Variants in CIROZ observed in about 807,000 individuals in gnomAD.
CIROZ encodes the protein ciliated left-right organizer protein containing ZP-N domains.
chr1:10,979,623 A>G, the CIROZ span, among the ~76,000 whole-genome samples: 25 of 152,296 alleles, frequency 1.6e-4, no homozygotes, highest in South Asian at 4.1e-4. Flanking sequence ...ATCAGAGGAC[A>G]CGTGCAAGAC....
chr1:10,958,088 C>T, the CIROZ span, among the ~76,000 whole-genome samples: 1 of 152,316 alleles, frequency 6.6e-6, no homozygotes, highest in East Asian at 1.9e-4. Context: ...GGAGTCCTGT[C>T]CTTGGCTCTG....
the CIROZ span, chr1:10,949,519 G>A: frequency 2.4e-6 from 3 of 1,236,840 alleles, no homozygotes; most frequent in Admixed American, 4.1e-5. Flanking sequence ...TGGAAGAATG[G>A]TGGTGAAAGA....
chr1:10,964,079 C>A, the CIROZ span: 2 of 1,601,086 alleles, frequency 1.2e-6, no homozygotes, highest in Non-Finnish European at 8.5e-7. Context: ...GAGAGAAGCC[C>A]AGCCTGGGAG....
the CIROZ span, among the ~76,000 whole-genome samples, chr1:10,979,785 C>T: frequency 2.6e-5 from 4 of 152,206 alleles, no homozygotes; most frequent in African/African-American, 7.2e-5. Context: ...CAGTGGCTCA[C>T]GCCTGTAATC....
the CIROZ span, among the ~76,000 whole-genome samples, chr1:10,952,216 C>T: frequency 6.6e-6 from 1 of 152,140 alleles, no homozygotes; most frequent in South Asian, 2.1e-4. Flanking sequence ...TGCAGGGAAG[C>T]TGCTGGGGAG....
the CIROZ span, among the ~76,000 whole-genome samples, chr1:10,962,066 T>C: frequency 6.6e-6 from 1 of 152,052 alleles, no homozygotes; most frequent in African/African-American, 2.4e-5. Context: ...CCTTCCTTCC[T>C]CCTCCTCCTC....
chr1:10,956,607 C>T, the CIROZ span, among the ~76,000 whole-genome samples: 1 of 151,914 alleles, frequency 6.6e-6, no homozygotes, highest in Non-Finnish European at 1.5e-5. Context: ...TCCTGAGTAG[C>T]TAGGACTACA....
chr1:10,955,229 G>A, the CIROZ span: 2 of 1,538,726 alleles, frequency 1.3e-6, no homozygotes, highest in Non-Finnish European at 1.8e-6. Flanking sequence ...GGCACACTTT[G>A]CAGGCTCGTG....
chr1:10,957,484 C>T, the CIROZ span: 28 of 1,372,382 alleles, frequency 2.0e-5, no homozygotes, highest in South Asian at 1.4e-4. Flanking sequence ...TTTTCGAAGG[C>T]GCCTGCCTAA....
the CIROZ span, chr1:10,948,661 C>T: frequency 6.2e-7 from 1 of 1,612,618 alleles, no homozygotes; most frequent in African/African-American, 1.3e-5. Context: ...CAGGGACTAG[C>T]CTGGACACCC....
the CIROZ span, among the ~76,000 whole-genome samples, chr1:10,974,080 T>A: frequency 6.6e-6 from 1 of 151,948 alleles, no homozygotes; most frequent in Non-Finnish European, 1.5e-5. This position sits in a 1 kb window ranked among gnomAD's most constrained non-coding sequence, Gnocchi z 4.4. Context: ...TGAATGGCAG[T>A]GGGAGGCTGA....
the CIROZ span, among the ~76,000 whole-genome samples, chr1:10,961,905 C>T: frequency 1.3e-5 from 2 of 152,204 alleles, no homozygotes; most frequent in African/African-American, 4.8e-5. Context: ...CGAGATCACA[C>T]CGCTGTACGC....
the CIROZ span, chr1:10,957,184 C>T: frequency 3.1e-5 from 36 of 1,146,656 alleles, no homozygotes; most frequent in Admixed American, 2.4e-4. Flanking sequence ...ACAGGGGCCC[C>T]CTCTCCTACC....
At chr1:10,953,572 G>C in the CIROZ span, among the ~76,000 whole-genome samples, 1 of 152,204 alleles carries the variant, frequency 6.6e-6, no homozygotes, top group Admixed American at 6.5e-5. Flanking sequence ...CCCACACAGA[G>C]AGAGTGGATA....
chr1:10,958,772 G>A, the CIROZ span: 30 of 1,613,466 alleles, frequency 1.9e-5, no homozygotes, highest in Admixed American at 1.0e-4. Flanking sequence ...CAAAGAGGAA[G>A]CAATGTCTCC....
At chr1:10,957,435 C>T in the CIROZ span, 22 of 841,098 alleles carry the variant, frequency 2.6e-5, no homozygotes, top group East Asian at 5.7e-4. Context: ...AGGAGCCCCT[C>T]ATCTGCAGAG....
chr1:10,971,338 G>A, the CIROZ span, among the ~76,000 whole-genome samples: 2 of 151,258 alleles, frequency 1.3e-5, no homozygotes, highest in African/African-American at 4.9e-5. Context: ...TGACACGGCA[G>A]CCACAAGGGA....
At chr1:10,965,771 C>T in the CIROZ span, among the ~76,000 whole-genome samples, 4 of 150,066 alleles carry the variant, frequency 2.7e-5, no homozygotes, top group Admixed American at 6.7e-5. Context: ...TGCAGTGAGC[C>T]GAGATTGCGT....
the CIROZ span, chr1:10,966,541 G>T: frequency 6.8e-7 from 1 of 1,462,890 alleles, no homozygotes; most frequent in Non-Finnish European, 9.0e-7. Context: ...TTCTCTGGCA[G>T]GGTCAGAAAT....
Sources: gnomAD v4.1 joint callset for allele counts (sites outside exome capture counted in the v4.1 genomes callset) on GRCh38, gnomAD v4.1.1 for gene constraint, Gnocchi (gnomAD v3.1) non-coding constraint, MANE v1.5 for transcripts, NCBI Gene and HGNC (gene_info 2026-07-23, HGNC 2026-07-21) for gene names.